The following IFT74 variants were observed in gnomAD, a reference collection of about 807,000 sequenced individuals.
IFT74 encodes the protein intraflagellar transport 74.
Under a neutral mutation model 96.7 loss-of-function variants are expected in IFT74, and 92 were observed. The observed-to-expected ratio is 0.95, with a 90% CI of 0.80 to 1.13. The LOEUF (loss-of-function observed/expected upper bound fraction) is 1.13. Ranked by LOEUF, IFT74 falls within the 50% of genes most tolerant of loss-of-function variation. IFT74 has a pLI of 0.00. For missense variants in IFT74, 811 were observed against 698.2 expected, an observed-to-expected ratio of 1.16 and a Z score of -1.82; for synonymous variants, 223 against 213.2, an observed-to-expected ratio of 1.05 and a Z score of -0.40.
Position 27,062,747 on chromosome 9 carries a change from A to C in IFT74, c.*11A>C. 1 of 1,380,460 alleles carries C rather than the reference A, an allele frequency of 7.2e-7. No homozygotes were observed. Among genetic ancestry groups the C allele is most frequent in the Non-Finnish European group, 1.0e-6 (1 of 975,838 alleles). 85.5% of individuals were successfully genotyped at this position (1,380,460 alleles called of 1,614,324 possible). ...ACCAGCGGAAACTGAGTTTAAGTCC[A>C]CTGAAAGTCTCTAAGGAAGTATCCT... On this transcript the variant is annotated 3_prime_UTR_variant, in exon 20 of 20. Coordinates refer to ENST00000380062, the MANE Select transcript of IFT74 (RefSeq NM_025103.4).
intron 18 of IFT74, among the ~76,000 whole-genome samples, chr9:27,058,004 T>C (rs1404113157): frequency 6.6e-6 from 1 of 152,264 alleles, no homozygotes; most frequent in African/African-American, 2.4e-5. Flanking sequence ...TTTCATCCTT[T>C]GCAATCATAC....
In IFT74 at chr9:26,961,816, A is replaced by G. The variant is rs1483147241; in HGVS notation, c.-19-133A>G. On this transcript the variant is annotated intron_variant, in intron 1 of 19. Transcript: ENST00000380062. Reference sequence around the variant, plus strand: ...CACGATGTCATATTTGAACAAAATTAGCCTTGTAGTGGTACACAGAACGGC... The same window carrying G: ...CACGATGTCATATTTGAACAAAATTGGCCTTGTAGTGGTACACAGAACGGC... 5.3e-6 allele frequency: 4 copies of G among 757,772 alleles called. No homozygotes were observed. The Admixed American group carries it at 7.7e-5, about 15-fold the overall frequency. The allele number at this position is 757,772 out of a possible 1,614,324, so 46.9% of individuals were successfully genotyped here.
chr9:26,975,915 A>C (rs1482295348), intron 2 of IFT74, among the ~76,000 whole-genome samples: 2 of 152,208 alleles, frequency 1.3e-5, no homozygotes, highest in Non-Finnish European at 2.9e-5. Flanking sequence ...GATCTGCCAC[A>C]TGAGGTGACC....
intron 8 of IFT74, chr9:26,999,657 A>G: frequency 6.2e-6 from 10 of 1,609,458 alleles, no homozygotes; most frequent in Non-Finnish European, 8.5e-6. Context: ...TATCATGGAG[A>G]GGGGCCAAAA....
chr9:26,961,940 T>C lies in IFT74; in HGVS notation c.-19-9T>C. 1 of 1,613,906 alleles carries C rather than the reference T, an allele frequency of 6.2e-7. No individual in the cohort carries two copies. The highest frequency in any genetic ancestry group is 1.1e-5 in the South Asian group (1 of 91,058). On this transcript the variant is annotated splice_polypyrimidine_tract_variant and intron_variant, in intron 1 of 19. Coordinates refer to ENST00000380062, the MANE Select transcript of IFT74 (RefSeq NM_025103.4). ...TCAAAGGATTGAACTATTTATTGTT[T>C]CCAAACAGCGATTAAAGTGAAGAAA...
intron 13 of IFT74, chr9:27,036,516 C>T (rs374882665): frequency 3.1e-6 from 5 of 1,610,078 alleles, no homozygotes; most frequent in East Asian, 4.5e-5. Flanking sequence ...CAAGTTTGAA[C>T]CTGCCATGTG....
At chr9:27,020,783 T>C (rs1212450515) in intron 12 of IFT74, among the ~76,000 whole-genome samples, 1 of 152,164 alleles carries the variant, frequency 6.6e-6, no homozygotes, top group Non-Finnish European at 1.5e-5. Context: ...CTATCTTTTT[T>C]ACTTCAGTAG....
intron 8 of IFT74, among the ~76,000 whole-genome samples, chr9:27,007,812 A>T (rs1177204526): frequency 1.3e-5 from 2 of 152,262 alleles, no homozygotes; most frequent in Non-Finnish European, 2.9e-5. Flanking sequence ...GAAACTCAAA[A>T]TAGAAATTAA....
intron 12 of IFT74, among the ~76,000 whole-genome samples, chr9:27,020,717 G>T (rs375211231): frequency 5.3e-5 from 8 of 152,126 alleles, no homozygotes; most frequent in African/African-American, 1.7e-4. Flanking sequence ...CTCGTGATCT[G>T]CCCGCCTCGG....
intron 12 of IFT74, among the ~76,000 whole-genome samples, chr9:27,022,579 G>A (rs1429739834): frequency 1.3e-5 from 2 of 151,236 alleles, no homozygotes; most frequent in Non-Finnish European, 2.9e-5. Flanking sequence ...GTATTGTATT[G>A]TATTATATTT....
chr9:26,958,303 G>T (rs1261946646), intron 1 of IFT74, among the ~76,000 whole-genome samples: 1 of 152,154 alleles, frequency 6.6e-6, no homozygotes, highest in East Asian at 1.9e-4. Context: ...TGTAGAACAG[G>T]CCTATACACT....
chr9:26,965,975 C>T (rs1373914702), intron 2 of IFT74, among the ~76,000 whole-genome samples: 2 of 151,866 alleles, frequency 1.3e-5, no homozygotes, highest in East Asian at 3.8e-4. Context: ...TTTATTATGG[C>T]AGAGTAGTGT....
chr9:26,967,356 T>C (rs991746179), intron 2 of IFT74, among the ~76,000 whole-genome samples: 8 of 152,156 alleles, frequency 5.3e-5, no homozygotes, highest in Admixed American at 5.2e-4. Context: ...TTTGTAGCTA[T>C]TGTAAATGGG....
At chr9:27,052,327 T>C (rs148635008) in intron 16 of IFT74, among the ~76,000 whole-genome samples, 1 of 152,108 alleles carries the variant, frequency 6.6e-6, no homozygotes, top group East Asian at 1.9e-4. Flanking sequence ...CTGACCAACA[T>C]GGTAAAACCC....
intron 14 of IFT74, among the ~76,000 whole-genome samples, chr9:27,046,013 G>A (rs1180524474): frequency 6.6e-6 from 1 of 152,072 alleles, no homozygotes; most frequent in Non-Finnish European, 1.5e-5. Flanking sequence ...TGAATGAATG[G>A]AAAGAATTCC....
chr9:27,024,727 C>T, intron 12 of IFT74, among the ~76,000 whole-genome samples: 1 of 151,548 alleles, frequency 6.6e-6, no homozygotes, highest in East Asian at 1.9e-4. Flanking sequence ...AAGGAGCCAG[C>T]AGAGAAAGGT....
intron 4 of IFT74, 178 bp from the exon 5 acceptor site, chr9:26,984,079 C>A: frequency 2.2e-6 from 1 of 451,530 alleles, no homozygotes; most frequent in Non-Finnish European, 3.7e-6. Flanking sequence ...CCACCGCACC[C>A]AGCCAGAATA....
intron 13 of IFT74, among the ~76,000 whole-genome samples, chr9:27,035,409 G>T (rs1819125629): frequency 6.6e-6 from 1 of 152,314 alleles, no homozygotes; most frequent in African/African-American, 2.4e-5. Flanking sequence ...TCTAGAAATT[G>T]TTTAAACTAT....
intron 16 of IFT74, among the ~76,000 whole-genome samples, chr9:27,053,088 C>T (rs954643771): frequency 8.7e-5 from 13 of 149,956 alleles, no homozygotes; most frequent in South Asian, 4.2e-4. Flanking sequence ...TGGCCTCGAT[C>T]TCCTGACCTC....
Sources: gnomAD v4.1 joint callset for allele counts (sites outside exome capture counted in the v4.1 genomes callset) on GRCh38, gnomAD v4.1.1 for gene constraint, MANE v1.5 for transcripts, NCBI Gene and HGNC (gene_info 2026-07-23, HGNC 2026-07-21) for gene names.